ATXN1: variants seen among roughly 807,000 people sequenced by gnomAD.
ATXN1 encodes ataxin-1.
Under a neutral mutation model 56.4 loss-of-function variants are expected in ATXN1, and 8 were observed. The observed-to-expected ratio is 0.14, with a 90% CI of 0.08 to 0.26. The LOEUF (loss-of-function observed/expected upper bound fraction) is 0.26. Among genes scored for constraint, ATXN1 ranks in the 10% least tolerant of loss-of-function variants. The pLI is 1.00. For missense variants in ATXN1, 987 were observed against 1,106.5 expected (o/e 0.89, Z 1.53); for synonymous variants, 514 against 494.6 (o/e 1.04, Z -0.52).
intron 2 of ATXN1, among the ~76,000 whole-genome samples, chr6:16,691,513 G>C (rs961094797): frequency 6.6e-6 from 1 of 152,210 alleles, no homozygotes; most frequent in Non-Finnish European, 1.5e-5. Context: ...AAAATGGAAA[G>C]CACCTATTAA....
At chr6:16,359,214 G>T (rs977160899) in intron 6 of ATXN1, among the ~76,000 whole-genome samples, 2 of 152,182 alleles carry the variant, frequency 1.3e-5, no homozygotes, top group Non-Finnish European at 2.9e-5. Context: ...CCCCAATTAG[G>T]CCCCACCTTC....
chr6:16,464,602 C>T (rs545802890), intron 6 of ATXN1, among the ~76,000 whole-genome samples: 29 of 152,234 alleles, frequency 1.9e-4, no homozygotes, highest in Admixed American at 7.8e-4. Context: ...ATAAACCCAC[C>T]GGTAGGAACC....
intron 6 of ATXN1, among the ~76,000 whole-genome samples, chr6:16,455,640 TA>T (rs1370044800): frequency 6.6e-6 from 1 of 152,230 alleles, no homozygotes; most frequent in Admixed American, 6.5e-5. Flanking sequence ...GCTTCATTCA[TA>T]ATCGTGAATG....
intron 4 of ATXN1, among the ~76,000 whole-genome samples, chr6:16,580,897 G>T: frequency 6.6e-6 from 1 of 152,116 alleles, no homozygotes; most frequent in Non-Finnish European, 1.5e-5. Flanking sequence ...TTGAAGGAAG[G>T]GTGGGAGAAA....
chr6:16,673,398 A>G (rs7760476), intron 2 of ATXN1, among the ~76,000 whole-genome samples: 27,923 of 152,162 alleles, frequency 0.18, 2,761 homozygotes, highest in East Asian at 0.34. Context: ...TTTTCATGCA[A>G]TGCTGCTACC....
At chr6:16,726,933 G>C (rs566624028) in intron 2 of ATXN1, among the ~76,000 whole-genome samples, 1 of 152,306 alleles carries the variant, frequency 6.6e-6, no homozygotes, top group Admixed American at 6.5e-5. Context: ...GCCATATGGA[G>C]TACAATTAGA....
chr6:16,546,805 G>C (rs1344411060), intron 4 of ATXN1, among the ~76,000 whole-genome samples: 1 of 152,188 alleles, frequency 6.6e-6, no homozygotes, highest in Non-Finnish European at 1.5e-5. Flanking sequence ...TTAATGAGTG[G>C]TGGGGAGGCA....
intron 2 of ATXN1, among the ~76,000 whole-genome samples, chr6:16,674,045 C>T (rs191268164): frequency 5.3e-5 from 8 of 150,232 alleles, no homozygotes; most frequent in Non-Finnish European, 7.4e-5. Flanking sequence ...AATGCTCTAA[C>T]GTGTTTTATA....
intron 4 of ATXN1, among the ~76,000 whole-genome samples, chr6:16,548,445 C>T (rs1222389905): frequency 6.6e-6 from 1 of 152,166 alleles, no homozygotes. Flanking sequence ...ATAAATTAAA[C>T]TTAGCTTACT....
At chr6:16,566,147 G>GA (rs1346694191) in intron 4 of ATXN1, among the ~76,000 whole-genome samples, 3 of 152,098 alleles carry the variant, frequency 2.0e-5, no homozygotes, top group South Asian at 2.1e-4. Context: ...ATCTCTATGT[G>GA]AAAAAAATAG....
chr6:16,312,818 C>G (rs939561750), intron 7 of ATXN1, among the ~76,000 whole-genome samples: 3 of 151,878 alleles, frequency 2.0e-5, no homozygotes, highest in African/African-American at 7.3e-5. Flanking sequence ...CGTCTCCCCC[C>G]ATACCCCCCT....
chr6:16,587,002 G>T (rs6912044), intron 3 of ATXN1, among the ~76,000 whole-genome samples: 90,004 of 150,774 alleles, frequency 0.6, 30,950 homozygotes, highest in Non-Finnish European at 0.75. Context: ...TGGTGACAAA[G>T]CAAGACTCTG....
chr6:16,610,694 A>G (rs920466300), intron 3 of ATXN1, among the ~76,000 whole-genome samples: 13 of 152,128 alleles, frequency 8.5e-5, no homozygotes, highest in Non-Finnish European at 1.8e-4. Context: ...TTTAAACAAT[A>G]AAGAAAAGGG....
intron 3 of ATXN1, among the ~76,000 whole-genome samples, chr6:16,588,654 C>A (rs1241582601): frequency 6.6e-6 from 1 of 152,138 alleles, no homozygotes; most frequent in Admixed American, 6.5e-5. Flanking sequence ...TTTTCCCCCA[C>A]GAATCAATAA....
chr6:16,566,695 T>A (rs1762228098), intron 4 of ATXN1, among the ~76,000 whole-genome samples: 1 of 151,360 alleles, frequency 6.6e-6, no homozygotes, highest in Non-Finnish European at 1.5e-5. Context: ...CTACTAAAAA[T>A]ACAAAAAAAA....
intron 6 of ATXN1, among the ~76,000 whole-genome samples, chr6:16,388,954 A>G (rs556792121): frequency 2.0e-5 from 3 of 152,218 alleles, no homozygotes; most frequent in South Asian, 4.1e-4. Context: ...TACTTTGTTT[A>G]TACTGCCCTC....
At chr6:16,752,866 A>T (rs1254244027) in intron 2 of ATXN1, 1 of 196,476 alleles carries the variant, frequency 5.1e-6, no homozygotes, top group African/African-American at 2.4e-5. Context: ...ATTATACTAC[A>T]ACAGTAATCT....
At chr6:16,757,547 A>C (rs1387430791) in intron 1 of ATXN1, among the ~76,000 whole-genome samples, 2 of 152,196 alleles carry the variant, frequency 1.3e-5, no homozygotes, top group East Asian at 3.9e-4. Context: ...CAATGAATTT[A>C]CCAACCACAT....
intron 3 of ATXN1, among the ~76,000 whole-genome samples, chr6:16,586,205 C>A (rs895152349): frequency 3.9e-5 from 6 of 152,132 alleles, no homozygotes; most frequent in African/African-American, 9.7e-5. Context: ...TCAAAATAAT[C>A]CCGTTCCTGC....
Sources: allele counts gnomAD v4.1 joint callset (sites outside exome capture counted in the v4.1 genomes callset), GRCh38; gene constraint gnomAD v4.1.1; transcripts MANE v1.5; gene names NCBI Gene and HGNC (gene_info 2026-07-23, HGNC 2026-07-21).